CCDC85C: variants seen among roughly 807,000 people sequenced by gnomAD.
The protein encoded by CCDC85C is coiled-coil domain containing 85C.
In CCDC85C, 18 loss-of-function variants were observed where a neutral mutation model predicts 38.3. The ratio of observed to expected loss-of-function variants is 0.47; its 90% CI spans 0.33 to 0.70. The LOEUF (loss-of-function observed/expected upper bound fraction) is 0.70. Ranked by LOEUF, CCDC85C falls within the 30% of genes least tolerant of loss-of-function variation. The pLI is 0.03. For synonymous variants in CCDC85C, 264 were observed against 293.8 expected (o/e 0.90, Z 1.04); for missense variants, 566 against 621.2 (o/e 0.91, Z 0.94).
In CCDC85C at chr14:99,551,458, T is replaced by C. The variant is rs1381508646; in HGVS notation, c.794-15370A>G. ...GTGGGTGTGCAGGTGAGCAGGTGAATGAGTGAGCAGGTAAGTGAGCAAGTG... is the reference window on the plus strand; with the variant it reads ...GTGGGTGTGCAGGTGAGCAGGTGAACGAGTGAGCAGGTAAGTGAGCAAGTG... On this transcript the variant is annotated intron_variant, in intron 1 of 5. Transcript: ENST00000380243. 2.0e-5 allele frequency among the ~76,000 whole-genome samples: 3 copies of C among 150,604 alleles called. No homozygotes were observed. The East Asian group carries it at 5.9e-4, about 29-fold the overall frequency.
intron 1 of CCDC85C, among the ~76,000 whole-genome samples, chr14:99,582,543 A>G (rs2054984359): frequency 6.6e-6 from 1 of 152,128 alleles, no homozygotes; most frequent in Non-Finnish European, 1.5e-5. Context: ...TCGGCTGGGC[A>G]CAGTGGCTCA....
At position 99,534,532 on chromosome 14, in the gene CCDC85C, T is replaced by C. The variant is rs1897555428; in HGVS notation, c.867+1483A>G. ...AGCCACCAGAGCATGGTCCTGGCCC[T>C]TGCTCTGCAGAGCAGTAGCCCCTGC... On this transcript the variant is annotated intron_variant, in intron 2 of 5. Coordinates refer to ENST00000380243, the MANE Select transcript of CCDC85C (RefSeq NM_001144995.2). 3 of 678,468 alleles carry C rather than the reference T, an allele frequency of 4.4e-6. No individual in the cohort carries two copies. The South Asian group carries it at 4.8e-5, about 11-fold the overall frequency. 42.0% of individuals were successfully genotyped at this position (678,468 alleles called of 1,614,324 possible).
In CCDC85C at chr14:99,520,410, CTGGGGG is replaced by C; in HGVS notation, c.975+1717_975+1722del. On this transcript the variant is annotated intron_variant, in intron 3 of 5. Transcript: ENST00000380243. The surrounding 1 kb of genome is among the most constrained non-coding windows in gnomAD (Gnocchi z 4.1). ...TACCTTGACCCCTCAACCCCCACTCCTGGGGGCCTGCCCGCCGACCAGCCCCGATCA... is the reference window on the plus strand; with the variant it reads ...TACCTTGACCCCTCAACCCCCACTCCCCTGCCCGCCGACCAGCCCCGATCA... 6.6e-6 allele frequency among the ~76,000 whole-genome samples: 1 copy of C among 151,318 alleles called. No homozygotes were observed. The highest frequency in any genetic ancestry group is 2.0e-4 in the East Asian group (1 of 5,036).
chr14:99,591,078 G>A (rs1384152767), intron 1 of CCDC85C, among the ~76,000 whole-genome samples: 1 of 152,230 alleles, frequency 6.6e-6, no homozygotes, highest in East Asian at 1.9e-4. Context: ...CAAAGCCCTA[G>A]TGACAAGGCC....
rs747664643 is a variant in CCDC85C at position 99,572,922 on chromosome 14, G to A, written c.793+30245C>T. ...GTGGGAGGCACGGACCTGAGGCAGCGCCTTCTCTTAGCTCTGAGCCCTGCC... is the reference window on the plus strand; with the variant it reads ...GTGGGAGGCACGGACCTGAGGCAGCACCTTCTCTTAGCTCTGAGCCCTGCC... On this transcript the variant is annotated intron_variant, in intron 1 of 5. Transcript: ENST00000380243. The surrounding 1 kb of genome is among the most constrained non-coding windows in gnomAD (Gnocchi z 4.4). The A allele has an allele frequency of 2.0e-4, 88 of 429,966 alleles. No individual in the cohort carries two copies. Among genetic ancestry groups the A allele is most frequent in the Middle Eastern group, 5.3e-4 (1 of 1,898 alleles). The allele number at this position is 429,966 out of a possible 1,614,324, so 26.6% of individuals were successfully genotyped here.
At chr14:99,584,860 AG>A (rs1380445462) in intron 1 of CCDC85C, among the ~76,000 whole-genome samples, 1 of 152,238 alleles carries the variant, frequency 6.6e-6, no homozygotes, top group African/African-American at 2.4e-5. Flanking sequence ...AGGCTGAGGC[AG>A]GAGAATGGCT....
At chr14:99,577,218 T>C (rs1179283996) in intron 1 of CCDC85C, among the ~76,000 whole-genome samples, 1 of 151,754 alleles carries the variant, frequency 6.6e-6, no homozygotes, top group African/African-American at 2.4e-5. Flanking sequence ...ACACACTGAA[T>C]AGGCAACCAT....
intron 1 of CCDC85C, among the ~76,000 whole-genome samples, chr14:99,559,488 CG>C (rs10708879): frequency 0.41 from 62,535 of 151,656 alleles, 14,412 homozygotes; most frequent in African/African-American, 0.61. Context: ...AGACACACTT[CG>C]TCACCCACCA....
Position 99,588,609 on chromosome 14 carries a change from G to A in CCDC85C, c.793+14558C>T, listed in dbSNP as rs1476739460. ...GCCTGAGGAAGCGAGCTGGGGAGAG[G>A]GAAGCCTGGCACAGGTGGTGGCAAA... On this transcript the variant is annotated intron_variant, in intron 1 of 5. Coordinates refer to ENST00000380243, the MANE Select transcript of CCDC85C (RefSeq NM_001144995.2). This position sits in a 1 kb window ranked among gnomAD's most constrained non-coding sequence, Gnocchi z 5.0. 6.6e-5 allele frequency among the ~76,000 whole-genome samples: 10 copies of A among 152,118 alleles called. No individual in the cohort carries two copies. Among genetic ancestry groups the A allele is most frequent in the African/African-American group, 2.2e-4 (9 of 41,434 alleles).
In CCDC85C at chr14:99,508,396, C is replaced by T. The variant is rs1462547272; in HGVS notation, c.*6850G>A. ...GGCAGCCACAGGGGTGCTGCTACCTCCAGGGCACTGAGTAGCTGCTGTGGA... is the reference window on the plus strand; with the variant it reads ...GGCAGCCACAGGGGTGCTGCTACCTTCAGGGCACTGAGTAGCTGCTGTGGA... On this transcript the variant is annotated 3_prime_UTR_variant, in exon 6 of 6. Transcript: ENST00000380243. 2.0e-5 allele frequency: 3 copies of T among 152,370 alleles called. No individual in the cohort carries two copies. Among genetic ancestry groups the T allele is most frequent in the African/African-American group, 7.2e-5 (3 of 41,456 alleles). 9.4% of individuals were successfully genotyped at this position (152,370 alleles called of 1,614,324 possible).
At chr14:99,537,826 G>A (rs904487436) in intron 1 of CCDC85C, among the ~76,000 whole-genome samples, 6 of 152,108 alleles carry the variant, frequency 3.9e-5, no homozygotes, top group South Asian at 2.1e-4. Context: ...CAAGCAAAGC[G>A]GTGTGATGGG....
chr14:99,584,558 G>A (rs941080169), intron 1 of CCDC85C, among the ~76,000 whole-genome samples: 2 of 152,186 alleles, frequency 1.3e-5, no homozygotes, highest in Non-Finnish European at 2.9e-5. Context: ...GTCATGTTAC[G>A]TCAGGAGAGG....
Position 99,540,928 on chromosome 14 carries a change from C to T in CCDC85C, c.794-4840G>A, listed in dbSNP as rs577809750. Among the ~76,000 whole-genome samples the T allele has an allele frequency of 4.5e-3, 685 of 152,310 alleles. 4 individuals carry two copies. The highest frequency in any genetic ancestry group is 5.9e-3 in the Non-Finnish European group (398 of 68,030). ...AGATACCCTGCACTGGGTCCTGCCA[C>T]TGGGACCAGGACTCACTGGCCTTCT... On this transcript the variant is annotated intron_variant, in intron 1 of 5. Transcript: ENST00000380243.
chr14:99,515,959 C>T (rs916180036), intron 5 of CCDC85C, among the ~76,000 whole-genome samples: 1 of 152,116 alleles, frequency 6.6e-6, no homozygotes, highest in Non-Finnish European at 1.5e-5. Context: ...CTGGGGAGGG[C>T]GGATCTGCAG....
At chr14:99,549,246 C>T (rs910137426) in intron 1 of CCDC85C, among the ~76,000 whole-genome samples, 4 of 152,194 alleles carry the variant, frequency 2.6e-5, no homozygotes, top group East Asian at 1.9e-4. Flanking sequence ...AAAGTCTGGG[C>T]GGCTGTTCTA....
chr14:99,594,141 G>A (rs1028356162), intron 1 of CCDC85C, among the ~76,000 whole-genome samples: 2 of 152,086 alleles, frequency 1.3e-5, no homozygotes, highest in Non-Finnish European at 2.9e-5. Context: ...CAGTCCTTCC[G>A]GGACTGTTCA....
intron 1 of CCDC85C, among the ~76,000 whole-genome samples, chr14:99,562,186 T>G (rs1171080815): frequency 6.6e-6 from 1 of 152,040 alleles, no homozygotes; most frequent in African/African-American, 2.4e-5. Flanking sequence ...AGCGACGCCC[T>G]CCAGCAAGCT....
intron 3 of CCDC85C, among the ~76,000 whole-genome samples, chr14:99,521,134 G>A (rs1319597672): frequency 6.6e-6 from 1 of 152,244 alleles, no homozygotes; most frequent in East Asian, 1.9e-4. Flanking sequence ...GAATGAATGA[G>A]AGGCACGGGG....
intron 1 of CCDC85C, among the ~76,000 whole-genome samples, chr14:99,590,110 G>A (rs757332469): frequency 3.9e-5 from 6 of 152,224 alleles, no homozygotes; most frequent in Admixed American, 1.3e-4. Flanking sequence ...CTTTTAACTC[G>A]GTGGAGAGGG....
Sources: gnomAD v4.1 joint callset for allele counts (sites outside exome capture counted in the v4.1 genomes callset) on GRCh38, gnomAD v4.1.1 for gene constraint, Gnocchi (gnomAD v3.1) non-coding constraint, MANE v1.5 for transcripts, NCBI Gene and HGNC (gene_info 2026-07-23, HGNC 2026-07-21) for gene names.